USHBP1: variants seen among roughly 807,000 people sequenced by gnomAD.
USHBP1 encodes USH1 protein network component harmonin binding protein 1.
In USHBP1, 67 loss-of-function variants were observed where a neutral mutation model predicts 76.2. That is an observed-to-expected ratio of 0.88 (90% CI 0.72 to 1.08). The LOEUF is 1.08. Ranked by LOEUF, USHBP1 falls within the 50% of genes least tolerant of loss-of-function variation. USHBP1 has a pLI of 0.00. For synonymous variants in USHBP1, 322 were observed against 362.2 expected (o/e 0.89, Z 1.26); for missense variants, 931 against 915.0 (o/e 1.02, Z -0.23).
At chr19:17,252,205 A>AT (rs1036364521) in intron 10 of USHBP1, among the ~76,000 whole-genome samples, 188 bp from the exon 11 acceptor site, 1 of 151,938 alleles carries the variant, frequency 6.6e-6, no homozygotes, top group South Asian at 2.1e-4. Flanking sequence ...ATTAAAAAAA[A>AT]TTTTTTTTGA....
chr19:17,251,204 C>G (rs1033171518), intron 12 of USHBP1, among the ~76,000 whole-genome samples: 2 of 141,160 alleles, frequency 1.4e-5, no homozygotes, highest in Admixed American at 7.4e-5. Flanking sequence ...GAGTCTTGCT[C>G]TGTCACCCAA....
Position 17,262,602 on chromosome 19 carries a change from G to A in USHBP1, c.592C>T (p.Gln198Ter). 6.2e-7 allele frequency: 1 copy of A among 1,613,434 alleles called. No individual in the cohort carries two copies. The highest frequency in any genetic ancestry group is 8.5e-7 in the Non-Finnish European group (1 of 1,179,766). The change falls in exon 4 of 13, where the codon CAG becomes TAG. Residue 198 changes from glutamine (Q) to a stop codon, truncating the protein, a stop_gained. Coordinates refer to ENST00000252597, the MANE Select transcript of USHBP1 (RefSeq NM_031941.4). LOFTEE classifies it high-confidence loss of function. The stretch of plus-strand genomic sequence containing the variant: ...GCTCGGATGGCCTCCAGGGAGGCCT[G>A]CGTGCGGACCAGCTCATCCTCTCGG... Reference protein sequence around the residue: ...SSREDELVRTQASLEAIRAEK... With the variant: ...SSREDELVRT
intron 3 of USHBP1, 184 bp downstream of exon 3, chr19:17,263,818 A>G: frequency 1.4e-6 from 1 of 738,644 alleles, no homozygotes; most frequent in Non-Finnish European, 2.0e-6. Context: ...GTGAGCCGAG[A>G]TTGTGCCACT....
At position 17,259,987 on chromosome 19, in the gene USHBP1, C is replaced by A; in HGVS notation, c.678G>T (p.Glu226Asp). The A allele has an allele frequency of 6.2e-7, 1 of 1,613,900 alleles. No homozygotes were observed. Among genetic ancestry groups the A allele is most frequent in the Non-Finnish European group, 8.5e-7 (1 of 1,179,910 alleles). Residue 226 changes from glutamate to aspartate, a missense_variant, in exon 5 of 13, where the codon GAG becomes GAT. Coordinates refer to ENST00000252597, the MANE Select transcript of USHBP1 (RefSeq NM_031941.4). ...GGTTGTGGGAAAGATGTGGGCAGGG[C>A]TCCAGCCTCAAGAGGGAATCCTGCA... Reference protein sequence around the residue: ...QELQDSLLRLEPCPHLSHNQA... With the variant: ...QELQDSLLRLDPCPHLSHNQA...
chr19:17,258,461 C>A (rs1483967337), intron 7 of USHBP1, 76 bp from the exon 8 acceptor site: 3 of 1,525,232 alleles, frequency 2.0e-6, no homozygotes, highest in Non-Finnish European at 1.8e-6. Flanking sequence ...GTAGTCCCAG[C>A]ACTTTGGGAG....
At chr19:17,257,744 T>C (rs1426517040) in intron 8 of USHBP1, among the ~76,000 whole-genome samples, 1 of 147,086 alleles carries the variant, frequency 6.8e-6, no homozygotes, top group Non-Finnish European at 1.5e-5. Context: ...CCTCCCAGAC[T>C]CAAGGCATCC....
intron 10 of USHBP1, among the ~76,000 whole-genome samples, chr19:17,252,977 AT>A (rs919471594): frequency 1.2e-4 from 18 of 150,162 alleles, no homozygotes; most frequent in Admixed American, 9.3e-4. Context: ...AATAATAATA[AT>A]TTTTTTTTTG....
chr19:17,254,376 C>G (rs1475830134), intron 10 of USHBP1, among the ~76,000 whole-genome samples: 1 of 151,370 alleles, frequency 6.6e-6, no homozygotes, highest in Non-Finnish European at 1.5e-5. Context: ...AATAAATAAG[C>G]CGGGTGCAGT....
chr19:17,260,094 T>G, intron 4 of USHBP1, 72 bp from the exon 5 acceptor site: 1 of 1,514,238 alleles, frequency 6.6e-7, no homozygotes, highest in Non-Finnish European at 8.9e-7. Flanking sequence ...CCAAGGCCTG[T>G]TCTTGGGGAA....
In USHBP1 at chr19:17,262,848, G is replaced by A; in HGVS notation, c.346C>T (p.Pro116Ser). The A allele has an allele frequency of 6.2e-7, 1 of 1,613,488 alleles. No individual in the cohort carries two copies. The highest frequency in any genetic ancestry group is 8.5e-7 in the Non-Finnish European group (1 of 1,179,500). Residue 116 changes from proline to serine, a missense_variant, in exon 4 of 13, where the codon CCC (proline) becomes TCC (serine). Coordinates refer to ENST00000252597, the MANE Select transcript of USHBP1 (RefSeq NM_031941.4). ...TGCTGGAGGGTCTGAAACACATCGG[G>A]GGCCCCATTCCCAGGGGGCACAGTC... is the stretch of plus-strand genomic sequence containing the variant. ...KETVPPGNGA[P>S]DVFQTLQHTL...
chr19:17,263,973 G>C (rs750475149), intron 3 of USHBP1, 29 bp downstream of exon 3: 3 of 1,519,516 alleles, frequency 2.0e-6, no homozygotes. Flanking sequence ...CTGGACTGGA[G>C]TGAAGGGCAC....
At chr19:17,255,333 A>G in intron 10 of USHBP1, 52 bp downstream of exon 10, 1 of 1,553,748 alleles carries the variant, frequency 6.4e-7, no homozygotes, top group Admixed American at 1.8e-5. Flanking sequence ...GACAAGGGCT[A>G]TGTTCTCATT....
At position 17,250,068 on chromosome 19, in the gene USHBP1, C is replaced by T. The variant is rs1451506336; in HGVS notation, c.*157G>A. On this transcript the variant is annotated 3_prime_UTR_variant, in exon 13 of 13. Transcript: ENST00000252597. The stretch of plus-strand genomic sequence containing the variant: ...TGAGTCTTTCTTCATTGCCTGGCCA[C>T]ACCCCATCAGGCCCTGGACACCCAT... The T allele has an allele frequency of 1.3e-4, 99 of 770,554 alleles. No individual in the cohort carries two copies. Among genetic ancestry groups the T allele is most frequent in the Non-Finnish European group, 1.5e-4 (74 of 495,492 alleles). 47.7% of individuals were successfully genotyped at this position (770,554 alleles called of 1,614,324 possible). A position where few individuals can be genotyped will look rare whatever the true frequency, so the allele number is the denominator to read the frequency against.
chr19:17,258,937 T>C (rs986486983), intron 7 of USHBP1, among the ~76,000 whole-genome samples: 1 of 150,762 alleles, frequency 6.6e-6, no homozygotes, highest in Non-Finnish European at 1.5e-5. Flanking sequence ...GGAGGCCCAG[T>C]AGGGGGGATC....
At chr19:17,258,725 AG>A (rs1196288996) in intron 7 of USHBP1, 37 of 321,048 alleles carry the variant, frequency 1.2e-4, no homozygotes, top group Non-Finnish European at 1.9e-4. Context: ...AAAAAAAAAA[AG>A]AAAGAAAAAA....
In USHBP1 at chr19:17,249,957, G is replaced by T. The variant is rs958724256; in HGVS notation, c.*268C>A. The T allele has an allele frequency of 1.0e-5, 5 of 482,176 alleles. No individual in the cohort carries two copies. The highest frequency in any genetic ancestry group is 1.8e-5 in the Non-Finnish European group (5 of 270,790). The allele number at this position is 482,176 out of a possible 1,614,324, so 29.9% of individuals were successfully genotyped here. ...ACCCCCGAAATGCGTCAGTCCCAGG[G>T]ACCTGGTCCCATAGCCCAGGTTGCT... On this transcript the variant is annotated 3_prime_UTR_variant, in exon 13 of 13. Transcript: ENST00000252597.
chr19:17,255,576 G>A lies in USHBP1; in HGVS notation c.1501C>T (p.Gln501Ter), dbSNP rs757574118. 1.9e-6 allele frequency: 3 copies of A among 1,612,266 alleles called. No individual in the cohort carries two copies. Among genetic ancestry groups the A allele is most frequent in the South Asian group, 2.2e-5 (2 of 90,978 alleles). The change falls in exon 10 of 13, where the codon CAG becomes TAG. Residue 501 changes from glutamine to a stop codon, truncating the protein, a stop_gained. Transcript: ENST00000252597. LOFTEE classifies it high-confidence loss of function. Reference sequence around the variant, plus strand: ...CCCCGCTTCTCACGCCGCACCAGCTGCAGCCGAAGCATCAGGTCCGCCAGG... The same window carrying A: ...CCCCGCTTCTCACGCCGCACCAGCTACAGCCGAAGCATCAGGTCCGCCAGG... ...EALADLMLRL[Q>*]LVRREKRGLE...
rs747597990 is a variant in USHBP1 at position 17,256,574 on chromosome 19, G to A, written c.1367C>T (p.Pro456Leu). 1.2e-6 allele frequency: 2 copies of A among 1,614,164 alleles called. No homozygotes were observed. Among genetic ancestry groups the A allele is most frequent in the Admixed American group, 1.7e-5 (1 of 60,016 alleles). ...GGCCTGCACCATGGCTTCTGCACGGGGCACAGTGGGCATGGGTGCCAAGGT... is the reference window on the plus strand; with the variant it reads ...GGCCTGCACCATGGCTTCTGCACGGAGCACAGTGGGCATGGGTGCCAAGGT... ...GPTLAPMPTV[P>L]RAEAMVQAIL... The change falls in exon 9 of 13, where the codon CCC becomes CTC. Residue 456 changes from proline (P) to leucine (L), a missense_variant. By Grantham distance (98) the Pro-to-Leu change is moderately conservative. Transcript: ENST00000252597.
chr19:17,264,168 G>C lies in USHBP1; in HGVS notation c.55-18C>G, dbSNP rs767265279. 9.9e-6 allele frequency: 16 copies of C among 1,612,252 alleles called. No individual in the cohort carries two copies. Among genetic ancestry groups the C allele is most frequent in the Middle Eastern group, 1.6e-4 (1 of 6,076 alleles). On this transcript the variant is annotated intron_variant, in intron 2 of 12. Coordinates refer to ENST00000252597, the MANE Select transcript of USHBP1 (RefSeq NM_031941.4). ...AGTTCACCCTGCAAATGACCCCCGG[G>C]GCCCTGCTCTGAGCCAGGCAGGACA...
Sources: allele counts gnomAD v4.1 joint callset (sites outside exome capture counted in the v4.1 genomes callset), GRCh38; gene constraint gnomAD v4.1.1; transcripts MANE v1.5; gene names NCBI Gene and HGNC (gene_info 2026-07-23, HGNC 2026-07-21).